The following FIBCD1 variants were observed in gnomAD, a reference collection of about 807,000 sequenced individuals.
FIBCD1 encodes fibrinogen C domain-containing protein 1.
In FIBCD1, 47 loss-of-function variants were observed where a neutral mutation model predicts 45.1. The observed-to-expected ratio is 1.04, with a 90% CI of 0.82 to 1.33. The LOEUF is 1.33. Among genes scored for constraint, FIBCD1 ranks in the 40% most tolerant of loss-of-function variants. The probability of loss-of-function intolerance (pLI) is 0.00; values close to 1 mark genes in which losing one functional copy is unlikely to be tolerated. For synonymous variants in FIBCD1, 313 were observed against 308.1 expected (o/e 1.02, Z -0.17); for missense variants, 653 against 682.2 (o/e 0.96, Z 0.48).
intron 6 of FIBCD1, 84 bp from the exon 7 acceptor site, chr9:130,904,407 C>CTGCACGTCCAGG: frequency 6.6e-7 from 1 of 1,512,632 alleles, no homozygotes; most frequent in Non-Finnish European, 8.8e-7. Context: ...CACCGAGACA[C>CTGCACGTCCAGG]TGCACGTGCA....
At chr9:130,940,203 G>A (rs556894578), upstream of FIBCD1, among the ~76,000 whole-genome samples, 1,351 of 152,322 alleles carry the variant, frequency 8.9e-3, 10 homozygotes, top group Admixed American at 0.015. Context: ...GCCGCGTCCA[G>A]CCTGGGCTGG....
At chr9:130,940,262 C>T (rs534609308), upstream of FIBCD1, among the ~76,000 whole-genome samples, 28 of 152,380 alleles carry the variant, frequency 1.8e-4, no homozygotes, top group South Asian at 4.1e-3. Context: ...CGGTGCCATC[C>T]GAGGAGACTG....
intron 5 of FIBCD1, among the ~76,000 whole-genome samples, chr9:130,907,753 G>A (rs1831959151): frequency 6.6e-6 from 1 of 152,026 alleles, no homozygotes; most frequent in Admixed American, 6.6e-5. Context: ...ACAAAAATTA[G>A]CCGGGCGTGG....
chr9:130,916,717 C>G (rs1832167087), intron 4 of FIBCD1, among the ~76,000 whole-genome samples: 1 of 152,228 alleles, frequency 6.6e-6, no homozygotes, highest in African/African-American at 2.4e-5. Context: ...GATGGGAGGA[C>G]AGAGGGAGGA....
intron 4 of FIBCD1, among the ~76,000 whole-genome samples, chr9:130,915,831 C>T (rs1832149081): frequency 6.6e-6 from 1 of 152,230 alleles, no homozygotes; most frequent in African/African-American, 2.4e-5. Context: ...GAAGAAGTGA[C>T]CTGCAGACTG....
At chr9:130,930,726 C>T in intron 1 of FIBCD1, 1 of 455,362 alleles carries the variant, frequency 2.2e-6, no homozygotes, top group Non-Finnish European at 4.4e-6. Flanking sequence ...GGGCTCAGGC[C>T]TCTAAGCTGC....
Position 130,902,971 on chromosome 9 carries a change from C to T in FIBCD1, c.*1093G>A, listed in dbSNP as rs142764384. 6.6e-6 allele frequency: 1 copy of T among 152,462 alleles called. No homozygotes were observed. Among genetic ancestry groups the T allele is most frequent in the Non-Finnish European group, 1.5e-5 (1 of 68,230 alleles). 9.4% of individuals were successfully genotyped at this position (152,462 alleles called of 1,614,324 possible). On this transcript the variant is annotated 3_prime_UTR_variant, in exon 7 of 7. Transcript: ENST00000372338. ...GACCCCATTTGCCCGGTGAGGTGGT[C>T]CCTGTCCCTTGACCACTCGCCGGGC... is the stretch of plus-strand genomic sequence containing the variant.
Position 130,924,232 on chromosome 9 carries a change from C to A in FIBCD1, c.712+5G>T. The A allele has an allele frequency of 6.3e-7, 1 of 1,583,740 alleles. No individual in the cohort carries two copies. Among genetic ancestry groups the A allele is most frequent in the Non-Finnish European group, 8.6e-7 (1 of 1,166,248 alleles). On this transcript the variant is annotated splice_donor_5th_base_variant and intron_variant, in intron 3 of 6. Coordinates refer to ENST00000372338, the MANE Select transcript of FIBCD1 (RefSeq NM_032843.5). ...CCGGAGGAAGGCAGGCCCTGCCCCA[C>A]TCACCAGTGGCACAGCCCCGGGGCC... is the stretch of plus-strand genomic sequence containing the variant.
At chr9:130,911,964 C>T (rs1832061537) in intron 4 of FIBCD1, 76 bp from the exon 5 acceptor site, 1 of 1,339,946 alleles carries the variant, frequency 7.5e-7, no homozygotes, top group Non-Finnish European at 1.0e-6. Flanking sequence ...CCCACCCCGC[C>T]CAGAGACTCC....
intron 4 of FIBCD1, among the ~76,000 whole-genome samples, chr9:130,912,541 T>C (rs1832076936): frequency 6.6e-6 from 1 of 151,766 alleles, no homozygotes. Context: ...ACCCCGTCTC[T>C]ACTGAAAATA....
chr9:130,915,211 C>T (rs1452476460), intron 4 of FIBCD1, among the ~76,000 whole-genome samples: 1 of 152,220 alleles, frequency 6.6e-6, no homozygotes, highest in Non-Finnish European at 1.5e-5. Context: ...CAGTCCTCAG[C>T]CCCCTCTTTC....
At chr9:130,928,574 G>A (rs901514941) in intron 2 of FIBCD1, among the ~76,000 whole-genome samples, 1 of 152,250 alleles carries the variant, frequency 6.6e-6, no homozygotes, top group Non-Finnish European at 1.5e-5. Context: ...TCCAGCTGCT[G>A]CCTTCAAAGG....
chr9:130,929,215 A>C (rs1832405660), intron 2 of FIBCD1, among the ~76,000 whole-genome samples: 1 of 151,980 alleles, frequency 6.6e-6, no homozygotes, highest in South Asian at 2.1e-4. Context: ...CTGAGCCTCG[A>C]TTTGCTCCTG....
intron 4 of FIBCD1, among the ~76,000 whole-genome samples, chr9:130,919,203 C>T (rs112214184): frequency 3.3e-5 from 5 of 152,342 alleles, no homozygotes; most frequent in Admixed American, 1.3e-4. Flanking sequence ...CTGCTCCCCA[C>T]GGAGGCACGC....
chr9:130,911,951 G>A, intron 4 of FIBCD1, 63 bp from the exon 5 acceptor site: 2 of 1,457,148 alleles, frequency 1.4e-6, no homozygotes, highest in Non-Finnish European at 1.9e-6. Flanking sequence ...CAGCCCACCT[G>A]GGCCCACCCC....
chr9:130,911,622 T>C (rs1259819170), intron 5 of FIBCD1, among the ~76,000 whole-genome samples, 170 bp downstream of exon 5: 1 of 152,174 alleles, frequency 6.6e-6, no homozygotes, highest in Non-Finnish European at 1.5e-5. Flanking sequence ...CTGGCCTCAT[T>C]CCTTCTGAAT....
At position 130,902,730 on chromosome 9, in the gene FIBCD1, C is replaced by T. The variant is rs11791437; in HGVS notation, c.*1334G>A. 0.056 allele frequency: 8,538 copies of T among 152,392 alleles called. 296 individuals are homozygous for T. Among genetic ancestry groups the T allele is most frequent in the Middle Eastern group, 0.16 (46 of 296 alleles). The allele number at this position is 152,392 out of a possible 1,614,324, so 9.4% of individuals were successfully genotyped here. A position where few individuals can be genotyped will look rare whatever the true frequency, so the allele number is the denominator to read the frequency against. On this transcript the variant is annotated 3_prime_UTR_variant, in exon 7 of 7. Transcript: ENST00000372338. ...AGGCCTTGGAAAAGCCGCCCTGCAT[C>T]TGGGCCTGACGTAACGCACGCGGGT...
intron 5 of FIBCD1, among the ~76,000 whole-genome samples, chr9:130,907,233 G>T (rs556829663): frequency 6.6e-6 from 1 of 151,836 alleles, no homozygotes; most frequent in African/African-American, 2.4e-5. Flanking sequence ...GCGGTGTCCC[G>T]GGGGCTGCTA....
intron 1 of FIBCD1, among the ~76,000 whole-genome samples, chr9:130,932,599 C>T (rs930109017): frequency 1.8e-4 from 28 of 152,230 alleles, no homozygotes; most frequent in African/African-American, 6.3e-4. Flanking sequence ...TCTTTCAGGG[C>T]TCAGCTAGCT....
Sources: allele counts gnomAD v4.1 joint callset (sites outside exome capture counted in the v4.1 genomes callset), GRCh38; gene constraint gnomAD v4.1.1; transcripts MANE v1.5; gene names NCBI Gene and HGNC (gene_info 2026-07-23, HGNC 2026-07-21).